Variants in COX7B2 observed in about 807,000 individuals in gnomAD.
COX7B2 encodes cytochrome c oxidase subunit 7B2, mitochondrial.
For synonymous variants in COX7B2, 37 were observed against 32.1 expected (o/e 1.15, Z -0.51); for missense variants, 109 against 95.9 (o/e 1.14, Z -0.57).
At chr4:46,739,539 A>G (rs1026224592) in intron 2 of COX7B2, among the ~76,000 whole-genome samples, 2 of 152,132 alleles carry the variant, frequency 1.3e-5, no homozygotes, top group African/African-American at 4.8e-5. Flanking sequence ...ATTGCTCTAC[A>G]TAAGGAAGTA....
intron 1 of COX7B2, among the ~76,000 whole-genome samples, chr4:46,884,314 T>C (rs1370356791): frequency 6.6e-6 from 1 of 152,128 alleles, no homozygotes; most frequent in East Asian, 1.9e-4. Context: ...GCCTCAACCT[T>C]CCACAGTGCT....
intron 2 of COX7B2, among the ~76,000 whole-genome samples, chr4:46,843,285 A>C (rs866445951): frequency 1.3e-5 from 2 of 152,066 alleles, no homozygotes; most frequent in South Asian, 4.1e-4. Context: ...CACTTGTGAA[A>C]AATAAGGGGT....
At chr4:46,815,807 G>A (rs2109676381) in intron 2 of COX7B2, among the ~76,000 whole-genome samples, 1 of 152,242 alleles carries the variant, frequency 6.6e-6, no homozygotes, top group Admixed American at 6.5e-5. Flanking sequence ...AGTGTTCTGT[G>A]AAAATAAGCT....
In COX7B2 at chr4:46,769,669, T is replaced by C. The variant is rs145829756; in HGVS notation, c.-49-34428A>G. 8.2e-4 allele frequency among the ~76,000 whole-genome samples: 125 copies of C among 152,160 alleles called. No individual in the cohort carries two copies. In the East Asian group the frequency reaches 0.018, roughly 22 times the overall value. ...AGGCAGCGATTGCAGTGAGTCAAGA[T>C]CACACACTACACTCCATCATGGGTG... On this transcript the variant is annotated intron_variant, in intron 2 of 2. Coordinates refer to ENST00000355591, the MANE Select transcript of COX7B2 (RefSeq NM_130902.3).
chr4:46,858,647 AGACT>A (rs1234163099), intron 1 of COX7B2, among the ~76,000 whole-genome samples: 2 of 152,100 alleles, frequency 1.3e-5, no homozygotes, highest in African/African-American at 2.4e-5. Context: ...GGGGAGTAGG[AGACT>A]TTTGGAAACA....
intron 1 of COX7B2, among the ~76,000 whole-genome samples, chr4:46,878,569 A>G (rs1718500142): frequency 6.6e-6 from 1 of 152,118 alleles, no homozygotes. Flanking sequence ...AGACCCAAAA[A>G]TTTAGTGCCA....
intron 2 of COX7B2, among the ~76,000 whole-genome samples, chr4:46,746,927 A>T (rs2109416885): frequency 6.6e-6 from 1 of 152,322 alleles, no homozygotes; most frequent in South Asian, 2.1e-4. Context: ...AGAATGATTT[A>T]TCTTTTCAGG....
chr4:46,878,604 C>T (rs569872475), intron 1 of COX7B2, among the ~76,000 whole-genome samples: 1 of 152,068 alleles, frequency 6.6e-6, no homozygotes, highest in Non-Finnish European at 1.5e-5. Flanking sequence ...TTATTTCCCA[C>T]ATCATAATCT....
chr4:46,906,590 G>A (rs1165011601), intron 1 of COX7B2, among the ~76,000 whole-genome samples: 2 of 152,156 alleles, frequency 1.3e-5, no homozygotes, highest in African/African-American at 4.8e-5. Flanking sequence ...TGCTGGAAAT[G>A]AATACTTGAC....
intron 2 of COX7B2, among the ~76,000 whole-genome samples, chr4:46,744,364 C>G (rs77864652): frequency 2.6e-5 from 4 of 151,940 alleles, no homozygotes; most frequent in African/African-American, 4.8e-5. Flanking sequence ...TAATTTCAGT[C>G]GGTCGGAGAG....
At chr4:46,884,045 T>A (rs1718915664) in intron 1 of COX7B2, among the ~76,000 whole-genome samples, 1 of 152,154 alleles carries the variant, frequency 6.6e-6, no homozygotes, top group Admixed American at 6.5e-5. Context: ...TTATATAATA[T>A]CCTGTCTTCA....
chr4:46,847,409 C>T (rs1716360734), intron 1 of COX7B2, among the ~76,000 whole-genome samples: 1 of 152,012 alleles, frequency 6.6e-6, no homozygotes, highest in African/African-American at 2.4e-5. Context: ...TCCTATAGCT[C>T]GAAGAAAATA....
intron 2 of COX7B2, among the ~76,000 whole-genome samples, chr4:46,834,525 T>C (rs141339958): frequency 4.0e-4 from 61 of 152,164 alleles, no homozygotes; most frequent in African/African-American, 1.4e-3. Flanking sequence ...AAATGAATAT[T>C]TCAATAAAAG....
chr4:46,840,461 A>G (rs1715857354), intron 2 of COX7B2, among the ~76,000 whole-genome samples: 1 of 152,000 alleles, frequency 6.6e-6, no homozygotes, highest in African/African-American at 2.4e-5. Context: ...AGTTGGGTGC[A>G]CTGAGGAGTA....
chr4:46,824,827 A>G (rs914919872), intron 2 of COX7B2, among the ~76,000 whole-genome samples: 2 of 152,172 alleles, frequency 1.3e-5, no homozygotes, highest in Admixed American at 1.3e-4. Flanking sequence ...ATAAAATTGA[A>G]CAAAACTTCA....
Position 46,792,809 on chromosome 4 carries a change from A to G in COX7B2, c.-50+52151T>C, listed in dbSNP as rs1406107254. Among the ~76,000 whole-genome samples, 3 of 152,284 alleles carry G rather than the reference A, an allele frequency of 2.0e-5. No individual in the cohort carries two copies. The East Asian group carries it at 5.8e-4, about 29-fold the overall frequency. On this transcript the variant is annotated intron_variant, in intron 2 of 2. Coordinates refer to ENST00000355591, the MANE Select transcript of COX7B2 (RefSeq NM_130902.3). Reference sequence around the variant, plus strand: ...AGAATTTTAAGGACAAGTTTTCTAAATTGACTCTGGGGTTTCTAGAATTGT... The same window carrying G: ...AGAATTTTAAGGACAAGTTTTCTAAGTTGACTCTGGGGTTTCTAGAATTGT...
At chr4:46,841,285 AG>A (rs1470046999) in intron 2 of COX7B2, among the ~76,000 whole-genome samples, 1 of 151,484 alleles carries the variant, frequency 6.6e-6, no homozygotes, top group Admixed American at 6.6e-5. Flanking sequence ...ACAATATCAG[AG>A]GTTCCACAGA....
At chr4:46,839,881 T>C (rs937509641) in intron 2 of COX7B2, among the ~76,000 whole-genome samples, 4 of 152,008 alleles carry the variant, frequency 2.6e-5, no homozygotes, top group African/African-American at 7.2e-5. Context: ...AATTAAAAAA[T>C]ACAAAATATA....
chr4:46,786,421 G>A (rs1241013858), intron 2 of COX7B2, among the ~76,000 whole-genome samples: 1 of 152,134 alleles, frequency 6.6e-6, no homozygotes, highest in Non-Finnish European at 1.5e-5. Flanking sequence ...GCTTTAGTAA[G>A]TAAGTAATGC....
Sources: gnomAD v4.1 joint callset for allele counts (sites outside exome capture counted in the v4.1 genomes callset) on GRCh38, gnomAD v4.1.1 for gene constraint, MANE v1.5 for transcripts, NCBI Gene and HGNC (gene_info 2026-07-23, HGNC 2026-07-21) for gene names.